The following NCKAP5 variants were observed in gnomAD, a reference collection of about 807,000 sequenced individuals.
NCKAP5 encodes the protein NCK associated protein 5, also known as nck-associated protein 5.
Under a neutral mutation model 167.0 loss-of-function variants are expected in NCKAP5, and 92 were observed. The observed-to-expected ratio is 0.55, with a 90% CI of 0.47 to 0.66. The LOEUF (loss-of-function observed/expected upper bound fraction) is 0.66. Ranked by LOEUF, NCKAP5 falls within the 30% of genes least tolerant of loss-of-function variation. The probability of loss-of-function intolerance (pLI) is 0.00; values close to 1 mark genes in which losing one functional copy is unlikely to be tolerated. For missense variants in NCKAP5, 2,378 were observed against 2,315.0 expected, an observed-to-expected ratio of 1.03 and a Z score of -0.56; for synonymous variants, 891 against 877.4, an observed-to-expected ratio of 1.02 and a Z score of -0.27.
chr2:133,527,720 T>C (rs892326508), intron 2 of NCKAP5, among the ~76,000 whole-genome samples: 8 of 152,130 alleles, frequency 5.3e-5, no homozygotes, highest in Non-Finnish European at 8.8e-5. Flanking sequence ...TTTAATTAAA[T>C]TGAGACTGAT....
At chr2:133,186,177 T>C (rs2084938135) in intron 5 of NCKAP5, among the ~76,000 whole-genome samples, 1 of 152,084 alleles carries the variant, frequency 6.6e-6, no homozygotes. Context: ...TGAAGTGATG[T>C]TGGATTTTGT....
intron 12 of NCKAP5, among the ~76,000 whole-genome samples, chr2:132,793,972 T>C (rs1328394126): frequency 6.6e-6 from 1 of 151,858 alleles, no homozygotes; most frequent in Non-Finnish European, 1.5e-5. Flanking sequence ...CTGCAGTAAA[T>C]AACTGTTCTG....
intron 11 of NCKAP5, among the ~76,000 whole-genome samples, chr2:132,851,674 T>C (rs1180757120): frequency 6.6e-6 from 1 of 152,184 alleles, no homozygotes; most frequent in Non-Finnish European, 1.5e-5. Flanking sequence ...CTCCCTTCCT[T>C]GACCCATGCA....
chr2:133,650,897 CA>C, the NCKAP5 span, among the ~76,000 whole-genome samples: 2 of 151,128 alleles, frequency 1.3e-5, no homozygotes, highest in Non-Finnish European at 3.0e-5. Context: ...AACAAACAAA[CA>C]AAAAAAAGGT....
At chr2:133,480,755 G>A (rs569873153) in intron 3 of NCKAP5, among the ~76,000 whole-genome samples, 10 of 152,150 alleles carry the variant, frequency 6.6e-5, no homozygotes, top group Non-Finnish European at 1.3e-4. Context: ...CTCCTACTCC[G>A]TGGATTCACT....
chr2:132,924,802 C>T (rs2320319), intron 8 of NCKAP5, among the ~76,000 whole-genome samples: 1 of 151,962 alleles, frequency 6.6e-6, no homozygotes, highest in Non-Finnish European at 1.5e-5. Flanking sequence ...CATTCAATAA[C>T]ATGAGACCTA....
At chr2:132,833,749 T>C (rs538551862) in intron 11 of NCKAP5, among the ~76,000 whole-genome samples, 1 of 152,230 alleles carries the variant, frequency 6.6e-6, no homozygotes, top group Non-Finnish European at 1.5e-5. Context: ...CCATGCCATT[T>C]TGATTACTAT....
the NCKAP5 span, among the ~76,000 whole-genome samples, chr2:133,647,819 AAGGGC>A: frequency 2.0e-4 from 30 of 152,046 alleles, no homozygotes; most frequent in South Asian, 1.0e-3. Flanking sequence ...AGGAGACGGG[AAGGGC>A]AGGGCAGGGC....
intron 8 of NCKAP5, among the ~76,000 whole-genome samples, chr2:132,936,902 A>G (rs1696895258): frequency 6.6e-6 from 1 of 152,218 alleles, no homozygotes; most frequent in South Asian, 2.1e-4. Flanking sequence ...AAAATGATTT[A>G]TGAGGCAGGG....
chr2:132,858,423 C>T (rs1574438839), intron 11 of NCKAP5, among the ~76,000 whole-genome samples: 1 of 152,306 alleles, frequency 6.6e-6, no homozygotes, highest in South Asian at 2.1e-4. Context: ...AATGACTGAG[C>T]ATCCATAGGT....
At chr2:132,931,802 G>T (rs549352986) in intron 8 of NCKAP5, among the ~76,000 whole-genome samples, 1 of 152,106 alleles carries the variant, frequency 6.6e-6, no homozygotes, top group East Asian at 1.9e-4. Flanking sequence ...TTCCAATTGT[G>T]AGGACCCTGT....
intron 3 of NCKAP5, among the ~76,000 whole-genome samples, chr2:133,409,397 G>A (rs1024789580): frequency 2.0e-5 from 3 of 152,116 alleles, no homozygotes; most frequent in South Asian, 2.1e-4. Flanking sequence ...TGTAGGCATT[G>A]GGCAATTAAA....
At chr2:132,779,976 T>A (rs764056634) in intron 15 of NCKAP5, among the ~76,000 whole-genome samples, 1 of 152,160 alleles carries the variant, frequency 6.6e-6, no homozygotes, top group Non-Finnish European at 1.5e-5. Context: ...AAAGAGAATA[T>A]TTTGTGTTTA....
At chr2:133,176,064 G>A (rs1323807074) in intron 5 of NCKAP5, among the ~76,000 whole-genome samples, 2 of 152,168 alleles carry the variant, frequency 1.3e-5, no homozygotes, top group Non-Finnish European at 2.9e-5. Context: ...GACTAGTCAG[G>A]GAGGATCGTC....
rs72990487 is a variant in NCKAP5 at position 133,524,934 on chromosome 2, G to A, written c.-61-7347C>T. Among the ~76,000 whole-genome samples, 1,216 of 152,220 alleles carry A rather than the reference G, an allele frequency of 8.0e-3. 18 individuals are homozygous for A. The highest frequency in any genetic ancestry group is 0.027 in the African/African-American group (1,140 of 41,530). On this transcript the variant is annotated intron_variant, in intron 2 of 19. Coordinates refer to ENST00000409261, the MANE Select transcript of NCKAP5 (RefSeq NM_207363.3). ...CATCTGTGCATGTGTGTTCATGTGT[G>A]TATGAGCATGTGTGTACATGCGCAT...
At chr2:133,561,855 T>C (rs1688180864) in intron 1 of NCKAP5, among the ~76,000 whole-genome samples, 1 of 152,168 alleles carries the variant, frequency 6.6e-6, no homozygotes, top group African/African-American at 2.4e-5. Flanking sequence ...ACTTCAGCTA[T>C]AGGGTCTTAG....
chr2:133,412,390 CT>C, intron 3 of NCKAP5, among the ~76,000 whole-genome samples: 1 of 152,188 alleles, frequency 6.6e-6, no homozygotes, highest in South Asian at 2.1e-4. Flanking sequence ...GTGTATGGTA[CT>C]TTATTACAGC....
intron 9 of NCKAP5, among the ~76,000 whole-genome samples, chr2:132,874,577 C>A (rs949988504): frequency 8.5e-5 from 13 of 152,162 alleles, no homozygotes; most frequent in African/African-American, 3.1e-4. Flanking sequence ...CTATTTTTGT[C>A]TATTTCTGAA....
chr2:132,707,265 C>T (rs553066006), intron 19 of NCKAP5, among the ~76,000 whole-genome samples: 2 of 152,222 alleles, frequency 1.3e-5, no homozygotes, highest in African/African-American at 2.4e-5. Context: ...ACTGTCACAG[C>T]GGAAAGTAAC....
Sources: allele counts gnomAD v4.1 joint callset (sites outside exome capture counted in the v4.1 genomes callset), GRCh38; gene constraint gnomAD v4.1.1; transcripts MANE v1.5; gene names NCBI Gene and HGNC (gene_info 2026-07-23, HGNC 2026-07-21).